Variants in NCKAP1 observed in about 807,000 individuals in gnomAD.
NCKAP1 encodes the protein NCK associated protein 1.
Under a neutral mutation model 151.2 loss-of-function variants are expected in NCKAP1, and 21 were observed. That is an observed-to-expected ratio of 0.14 (90% confidence interval 0.10 to 0.20). NCKAP1 has a LOEUF of 0.20. Ranked by LOEUF, NCKAP1 falls within the 10% of genes least tolerant of loss-of-function variation. The pLI is 1.00. For synonymous variants in NCKAP1, 484 were observed against 451.8 expected (o/e 1.07, Z -0.90); for missense variants, 933 against 1,352.1 (o/e 0.69, Z 4.86).
Position 182,912,100 on chromosome 2 carries a change from A to G in NCKAP1, c.*13602T>C, listed in dbSNP as rs1377120275. ...TTTACCTAAAAAACTGCTGAAGTTC[A>G]GAGGTTGTAATTTTTTTTTCTCAGC... On this transcript the variant is annotated 3_prime_UTR_variant, in exon 31 of 31. Transcript: ENST00000361354. 6.6e-6 allele frequency: 1 copy of G among 152,236 alleles called. No individual in the cohort carries two copies. Among genetic ancestry groups the G allele is most frequent in the African/African-American group, 2.4e-5 (1 of 41,468 alleles). The allele number at this position is 152,236 out of a possible 1,614,324, so 9.4% of individuals were successfully genotyped here. A position where few individuals can be genotyped will look rare whatever the true frequency, so the allele number is the denominator to read the frequency against.
intron 24 of NCKAP1, among the ~76,000 whole-genome samples, chr2:182,936,485 A>G (rs994021209): frequency 9.9e-5 from 15 of 152,180 alleles, no homozygotes; most frequent in Non-Finnish European, 2.1e-4. Flanking sequence ...TATGTAAACT[A>G]AAAAAGATAT....
rs148488585 is a variant in NCKAP1 at position 182,942,124 on chromosome 2, T to G, written c.2641A>C (p.Arg881=). Reference sequence around the variant, plus strand: ...TGGTCTGGTTTGTCAAAGCTGGTCCTCATTTGTGTTAACACATCAACATTC... The same window carrying G: ...TGGTCTGGTTTGTCAAAGCTGGTCCGCATTTGTGTTAACACATCAACATTC... ...VENVDVLTQM[R]TSFDKPDQMA... is the part of the protein sequence containing the mutation. The change falls in exon 24 of 31, where the codon AGG becomes CGG. Residue 881 remains arginine (R), a synonymous_variant. Transcript: ENST00000361354. 28 of 1,613,456 alleles carry G rather than the reference T, an allele frequency of 1.7e-5. No individual in the cohort carries two copies. Among genetic ancestry groups the G allele is most frequent in the Middle Eastern group, 3.3e-4 (2 of 6,052 alleles).
intron 15 of NCKAP1, among the ~76,000 whole-genome samples, chr2:182,971,770 T>C (rs2105843375): frequency 6.6e-6 from 1 of 152,226 alleles, no homozygotes; most frequent in South Asian, 2.1e-4. Flanking sequence ...ACATTTACTA[T>C]TAGCTCATTT....
At chr2:182,989,693 C>T (rs1485504907) in intron 8 of NCKAP1, among the ~76,000 whole-genome samples, 1 of 151,972 alleles carries the variant, frequency 6.6e-6, no homozygotes, top group African/African-American at 2.4e-5. Context: ...GCCTGGGTGA[C>T]AGACCCTGTC....
At chr2:182,979,886 G>GT (rs1305511179) in intron 13 of NCKAP1, among the ~76,000 whole-genome samples, 2 of 151,960 alleles carry the variant, frequency 1.3e-5, no homozygotes, top group Non-Finnish European at 2.9e-5. Flanking sequence ...TCTCACAGAG[G>GT]TTTTCTACAG....
At chr2:183,014,038 C>T (rs772330794) in intron 2 of NCKAP1, among the ~76,000 whole-genome samples, 2 of 152,148 alleles carry the variant, frequency 1.3e-5, no homozygotes, top group Non-Finnish European at 2.9e-5. Flanking sequence ...TATGCTTTTA[C>T]CCTGCTTTGT....
At chr2:182,980,950 C>G (rs190204390) in intron 13 of NCKAP1, among the ~76,000 whole-genome samples, 1 of 152,250 alleles carries the variant, frequency 6.6e-6, no homozygotes, top group Non-Finnish European at 1.5e-5. Flanking sequence ...TGATTAACCT[C>G]CTCTTTCCCA....
intron 18 of NCKAP1, among the ~76,000 whole-genome samples, chr2:182,959,697 T>C (rs1697401620): frequency 6.6e-6 from 1 of 152,180 alleles, no homozygotes; most frequent in Non-Finnish European, 1.5e-5. Flanking sequence ...ATGCCCTCTC[T>C]CACCACTCCT....
At position 182,987,473 on chromosome 2, in the gene NCKAP1, T is replaced by C. The variant is rs150579513; in HGVS notation, c.948-1246A>G. ...TCACAATTAAATTAAAAATGCAAAC[T>C]CATAATTTTAAATACAGAGATTCTC... On this transcript the variant is annotated intron_variant, in intron 9 of 30. Transcript: ENST00000361354. Among the ~76,000 whole-genome samples, 329 of 152,270 alleles carry C rather than the reference T, an allele frequency of 2.2e-3. 2 individuals carry two copies. Among genetic ancestry groups the C allele is most frequent in the African/African-American group, 7.7e-3 (320 of 41,550 alleles).
At position 183,002,261 on chromosome 2, in the gene NCKAP1, G is replaced by C; in HGVS notation, c.378C>G (p.Asn126Lys). The C allele has an allele frequency of 6.5e-7, 1 of 1,529,032 alleles. No individual in the cohort carries two copies. The highest frequency in any genetic ancestry group is 9.0e-7 in the Non-Finnish European group (1 of 1,116,260). The allele number at this position is 1,529,032 out of a possible 1,614,324, so 94.7% of individuals were successfully genotyped here. ...CTAAGTAGTTCTTTGTTAAATCAAAGTTTACAGTCTAGGAGAAAAAAAAAT... is the reference window on the plus strand; with the variant it reads ...CTAAGTAGTTCTTTGTTAAATCAAACTTTACAGTCTAGGAGAAAAAAAAAT... ...VCQVFFDITVNFDLTKNYLDL... is the reference protein window; with the variant it reads ...VCQVFFDITVKFDLTKNYLDL... Residue 126 changes from asparagine to lysine, a missense_variant, in exon 5 of 31, where the codon AAC becomes AAG. Transcript: ENST00000361354.
chr2:182,962,183 T>C lies in NCKAP1; in HGVS notation c.1857A>G (p.Thr619=). The part of the protein sequence containing the change: ...QARNLITDIC[T]EQCTLSDQLL... The stretch of plus-strand genomic sequence containing the variant: ...CCTGGTCACTAAGGGTACACTGTTC[T>C]GTGCAAATATCAGTGATGAGATTTC... Residue 619 remains threonine (T), a synonymous_variant, in exon 18 of 31, where the codon ACA becomes ACG. Coordinates refer to ENST00000361354, the MANE Select transcript of NCKAP1 (RefSeq NM_013436.5). The C allele has an allele frequency of 6.2e-7, 1 of 1,612,754 alleles. No individual in the cohort carries two copies. Among genetic ancestry groups the C allele is most frequent in the Non-Finnish European group, 8.5e-7 (1 of 1,179,208 alleles).
chr2:182,946,375 T>C (rs917542610), intron 23 of NCKAP1, among the ~76,000 whole-genome samples: 6 of 151,348 alleles, frequency 4.0e-5, no homozygotes, highest in African/African-American at 1.5e-4. Context: ...ACTCCTAGCC[T>C]GGGCGACAGA....
chr2:182,979,033 T>C, intron 13 of NCKAP1, 118 bp from the exon 14 acceptor site: 1 of 487,554 alleles, frequency 2.1e-6, no homozygotes, highest in South Asian at 5.3e-5. Flanking sequence ...TATTTTTCAG[T>C]AATAAAAAAG....
intron 24 of NCKAP1, among the ~76,000 whole-genome samples, chr2:182,937,642 C>T (rs1696905217): frequency 2.0e-5 from 3 of 151,986 alleles, no homozygotes; most frequent in African/African-American, 7.3e-5. Flanking sequence ...TGACTCTTCC[C>T]ATTTAAAAAA....
Position 182,926,480 on chromosome 2 carries a change from A to AC in NCKAP1, c.3270+335_3270+336insG, listed in dbSNP as rs557018786. On this transcript the variant is annotated intron_variant, in intron 30 of 30. Transcript: ENST00000361354. Reference sequence around the variant, plus strand: ...CAGAAAATTACGAGAAATGGGCAGAATAGAGTTAGAATGTAGAAAACTCAG... The same window carrying AC: ...CAGAAAATTACGAGAAATGGGCAGAACTAGAGTTAGAATGTAGAAAACTCAG... 8.5e-5 allele frequency among the ~76,000 whole-genome samples: 13 copies of AC among 152,182 alleles called. No homozygotes were observed. In the East Asian group the frequency reaches 2.1e-3, roughly 25 times the overall value.
At chr2:182,989,412 G>A (rs969280836) in intron 8 of NCKAP1, among the ~76,000 whole-genome samples, 5 of 151,966 alleles carry the variant, frequency 3.3e-5, no homozygotes, top group African/African-American at 9.7e-5. Flanking sequence ...CTGACAAAAC[G>A]GGAAAAATGT....
At position 182,910,259 on chromosome 2, in the gene NCKAP1, C is replaced by G. The variant is rs990283704; in HGVS notation, c.*15443G>C. On this transcript the variant is annotated 3_prime_UTR_variant, in exon 31 of 31. Transcript: ENST00000361354. ...TGCTGTGGGACAACCCTTGCCACCC[C>G]ACTCAAGCTACAGTTTTTGATTGAG... 1 of 152,164 alleles carries G rather than the reference C, an allele frequency of 6.6e-6. No individual in the cohort carries two copies. Among genetic ancestry groups the G allele is most frequent in the African/African-American group, 2.4e-5 (1 of 41,428 alleles). 9.4% of individuals were successfully genotyped at this position (152,164 alleles called of 1,614,324 possible). A position where few individuals can be genotyped will look rare whatever the true frequency, so the allele number is the denominator to read the frequency against.
At chr2:182,939,974 T>C (rs1449585559) in intron 24 of NCKAP1, among the ~76,000 whole-genome samples, 2 of 152,234 alleles carry the variant, frequency 1.3e-5, no homozygotes, top group Admixed American at 6.5e-5. Context: ...TTAATTATTA[T>C]ACACAAAATT....
intron 2 of NCKAP1, among the ~76,000 whole-genome samples, chr2:183,006,344 A>C (rs190322823): frequency 6.6e-6 from 1 of 152,258 alleles, no homozygotes; most frequent in Non-Finnish European, 1.5e-5. Flanking sequence ...GCTGTACATT[A>C]AATATTAAGT....
Sources: allele counts gnomAD v4.1 joint callset (sites outside exome capture counted in the v4.1 genomes callset), GRCh38; gene constraint gnomAD v4.1.1; transcripts MANE v1.5; gene names NCBI Gene and HGNC (gene_info 2026-07-23, HGNC 2026-07-21).